FAM168A: variants seen among roughly 807,000 people sequenced by gnomAD.
FAM168A encodes family with sequence similarity 168 member A, also known as protein FAM168A.
FAM168A carries 3 observed loss-of-function variants against 28.5 expected under a neutral mutation model. That is an observed-to-expected ratio of 0.11 (90% CI 0.05 to 0.27). The LOEUF (loss-of-function observed/expected upper bound fraction) is 0.27. Ranked by LOEUF, FAM168A falls within the 10% of genes least tolerant of loss-of-function variation. FAM168A has a pLI of 1.00. For synonymous variants in FAM168A, 122 were observed against 124.2 expected, an observed-to-expected ratio of 0.98 and a Z score of 0.12; for missense variants, 222 against 311.5, an observed-to-expected ratio of 0.71 and a Z score of 2.16.
chr11:73,417,235 TAAG>T (rs1241550362), intron 4 of FAM168A, among the ~76,000 whole-genome samples: 2 of 152,188 alleles, frequency 1.3e-5, no homozygotes. Context: ...TGCTGAGAGA[TAAG>T]GAGTCTAATT....
intron 1 of FAM168A, among the ~76,000 whole-genome samples, chr11:73,513,839 A>G (rs1375209143): frequency 6.6e-6 from 1 of 152,116 alleles, no homozygotes; most frequent in African/African-American, 2.4e-5. Context: ...TACCACTTAC[A>G]TTTTGGCTAT....
At chr11:73,464,317 C>A (rs1214315063) in intron 2 of FAM168A, among the ~76,000 whole-genome samples, 1 of 133,954 alleles carries the variant, frequency 7.5e-6, no homozygotes. Context: ...GCAAAAACAG[C>A]AATCTGGGGG....
intron 1 of FAM168A, among the ~76,000 whole-genome samples, chr11:73,590,949 C>T (rs759199701): frequency 2.0e-5 from 3 of 152,154 alleles, no homozygotes; most frequent in Non-Finnish European, 4.4e-5. Flanking sequence ...TCAAGACCAG[C>T]CTGGCCAACA....
chr11:73,424,903 T>G (rs1039972417), intron 3 of FAM168A: 2 of 792,668 alleles, frequency 2.5e-6, no homozygotes, highest in Non-Finnish European at 3.8e-6. Flanking sequence ...CTGAGCCACC[T>G]GGGGGGAGCC....
At chr11:73,538,878 T>C (rs1259244341) in intron 1 of FAM168A, among the ~76,000 whole-genome samples, 1 of 152,192 alleles carries the variant, frequency 6.6e-6, no homozygotes, top group Non-Finnish European at 1.5e-5. Context: ...CATCTAGATT[T>C]TTCTAAAAGT....
chr11:73,548,944 A>T (rs1418491564), intron 1 of FAM168A, among the ~76,000 whole-genome samples: 1 of 151,044 alleles, frequency 6.6e-6, no homozygotes, highest in Non-Finnish European at 1.5e-5. Flanking sequence ...CTCCATAGAC[A>T]TTTCTCTTTT....
intron 1 of FAM168A, among the ~76,000 whole-genome samples, chr11:73,583,493 C>G (rs970376936): frequency 1.3e-5 from 2 of 152,160 alleles, no homozygotes; most frequent in Non-Finnish European, 2.9e-5. Flanking sequence ...GATACAACTC[C>G]TGTCCACTGC....
chr11:73,587,093 C>G (rs1456594019), intron 1 of FAM168A, among the ~76,000 whole-genome samples: 1 of 142,234 alleles, frequency 7.0e-6, no homozygotes, highest in Non-Finnish European at 1.5e-5. Context: ...TCATTTTATA[C>G]TGAATCAAGG....
At position 73,409,480 on chromosome 11, in the gene FAM168A, C is replaced by T. The variant is rs1235040755; in HGVS notation, c.595+7G>A. ...GGGATGGACACTGATGCAGATGCTG[C>T]CCTCACCTGCTGACATTGCCATGGT... On this transcript the variant is annotated splice_region_variant and intron_variant, in intron 6 of 7. Transcript: ENST00000356467. 3 of 1,613,218 alleles carry T rather than the reference C, an allele frequency of 1.9e-6. No individual in the cohort carries two copies. Among genetic ancestry groups the T allele is most frequent in the Non-Finnish European group, 1.7e-6 (2 of 1,179,718 alleles).
intron 1 of FAM168A, among the ~76,000 whole-genome samples, chr11:73,495,126 G>GT (rs1479042423): frequency 7.3e-6 from 1 of 136,612 alleles, no homozygotes; most frequent in Non-Finnish European, 1.5e-5. Context: ...TGGTATAGAC[G>GT]TAAAAAAAAA....
chr11:73,520,192 T>A (rs1020603014), intron 1 of FAM168A, among the ~76,000 whole-genome samples: 12 of 151,908 alleles, frequency 7.9e-5, no homozygotes, highest in African/African-American at 2.9e-4. Flanking sequence ...ACTACAGGCG[T>A]GCACCACCAT....
At chr11:73,500,596 T>G (rs535431315) in intron 1 of FAM168A, among the ~76,000 whole-genome samples, 16 of 152,142 alleles carry the variant, frequency 1.1e-4, no homozygotes, top group Admixed American at 4.6e-4. Context: ...CTAAGCTTCA[T>G]AAGCTAAGGA....
At chr11:73,455,423 C>T (rs750884501) in intron 2 of FAM168A, among the ~76,000 whole-genome samples, 2 of 152,234 alleles carry the variant, frequency 1.3e-5, no homozygotes, top group African/African-American at 4.8e-5. Flanking sequence ...TCCTGATTCG[C>T]TCTGACAGTG....
rs2134625906 is a variant in FAM168A at position 73,502,404 on chromosome 11, A to G, written c.-18-33912T>C. On this transcript the variant is annotated intron_variant, in intron 1 of 7. Transcript: ENST00000356467. ...AAACTAGAAAATCTAGAAGAAATGG[A>G]TAAATTCCTGGACACATATACCCTC... Among the ~76,000 whole-genome samples, 2 of 152,328 alleles carry G rather than the reference A, an allele frequency of 1.3e-5. 1 individual carries two copies. The highest frequency in any genetic ancestry group is 4.1e-4 in the South Asian group (2 of 4,828).
intron 1 of FAM168A, among the ~76,000 whole-genome samples, chr11:73,581,175 G>A (rs948161777): frequency 1.3e-5 from 2 of 152,184 alleles, no homozygotes; most frequent in African/African-American, 4.8e-5. Context: ...AGACTTCATT[G>A]GGTTTTATAG....
At chr11:73,431,510 T>C (rs1302747052) in intron 2 of FAM168A, among the ~76,000 whole-genome samples, 1 of 151,054 alleles carries the variant, frequency 6.6e-6, no homozygotes, top group East Asian at 1.9e-4. Context: ...CATTTTTATA[T>C]ACATATATTC....
intron 2 of FAM168A, among the ~76,000 whole-genome samples, chr11:73,437,524 C>T (rs959386685): frequency 4.6e-5 from 7 of 151,186 alleles, no homozygotes; most frequent in African/African-American, 1.7e-4. Flanking sequence ...CTGCCTCAGC[C>T]TCCCGCAGCA....
At chr11:73,486,244 A>G (rs1056345661) in intron 1 of FAM168A, among the ~76,000 whole-genome samples, 2 of 152,178 alleles carry the variant, frequency 1.3e-5, no homozygotes, top group Non-Finnish European at 2.9e-5. Flanking sequence ...TAAAGTGTAC[A>G]GTTTTGAGGC....
chr11:73,572,896 T>TAAATAAA (rs540746235), intron 1 of FAM168A, among the ~76,000 whole-genome samples: 4 of 151,454 alleles, frequency 2.6e-5, no homozygotes, highest in Non-Finnish European at 4.4e-5. Flanking sequence ...AAATAAATAA[T>TAAATAAA]TAATTAAACA....
Sources: allele counts gnomAD v4.1 joint callset (sites outside exome capture counted in the v4.1 genomes callset), GRCh38; gene constraint gnomAD v4.1.1; transcripts MANE v1.5; gene names NCBI Gene and HGNC (gene_info 2026-07-23, HGNC 2026-07-21).